The following VPS13B variants were observed in gnomAD, a reference collection of about 807,000 sequenced individuals.
VPS13B encodes the protein intermembrane lipid transfer protein VPS13B.
Under a neutral mutation model 426.4 loss-of-function variants are expected in VPS13B, and 285 were observed. That is an observed-to-expected ratio of 0.67 (90% CI 0.61 to 0.74). The LOEUF (loss-of-function observed/expected upper bound fraction) is 0.74, where lower values mean the gene tolerates loss of function less well. VPS13B is among the 30% of genes least tolerant of loss of function. The pLI is 0.00. For synonymous variants in VPS13B, 1,676 were observed against 1,676.4 expected, an observed-to-expected ratio of 1.00 and a Z score of 0.01; for missense variants, 4,537 against 4,782.6, an observed-to-expected ratio of 0.95 and a Z score of 1.51.
chr8:99,871,508 GAGGGGCTCA>G lies in VPS13B; in HGVS notation c.11557_11565del (p.Arg3853_Ser3855del). The G allele has an allele frequency of 6.2e-7, 1 of 1,614,244 alleles. No homozygotes were observed. Among genetic ancestry groups the G allele is most frequent in the Non-Finnish European group, 8.5e-7 (1 of 1,180,042 alleles). On this transcript the variant is annotated inframe_deletion, in exon 61 of 62. Transcript: ENST00000357162. ...ACATGGCCCTGGACGTGGTTCTGGT[GAGGGGCTCA>G]GGCCAGGAGCATGAAGGGTGCTTGC...
intron 19 of VPS13B, among the ~76,000 whole-genome samples, chr8:99,300,174 A>T (rs955502935): frequency 3.2e-4 from 48 of 152,298 alleles, no homozygotes; most frequent in African/African-American, 1.1e-3. Flanking sequence ...TGTGTACACC[A>T]GGGGTGAGCA....
At chr8:99,694,954 T>C (rs1356206602) in intron 35 of VPS13B, among the ~76,000 whole-genome samples, 3 of 151,440 alleles carry the variant, frequency 2.0e-5, no homozygotes, top group East Asian at 3.9e-4. Context: ...AAAATGCTCA[T>C]CATCACTGGC....
At chr8:99,439,200 T>A (rs887909710) in intron 22 of VPS13B, among the ~76,000 whole-genome samples, 6 of 152,196 alleles carry the variant, frequency 3.9e-5, no homozygotes, top group African/African-American at 1.4e-4. Context: ...CCATATCTGA[T>A]GAAAATAATT....
At chr8:99,083,026 G>T (rs1474166292) in intron 3 of VPS13B, among the ~76,000 whole-genome samples, 1 of 152,236 alleles carries the variant, frequency 6.6e-6, no homozygotes, top group African/African-American at 2.4e-5. Flanking sequence ...GATGGGAATG[G>T]CATTGAATCT....
chr8:99,491,129 A>T (rs1003684487), intron 25 of VPS13B, among the ~76,000 whole-genome samples: 1 of 152,200 alleles, frequency 6.6e-6, no homozygotes, highest in Non-Finnish European at 1.5e-5. Context: ...GTTTCAAAGA[A>T]CATCTTTATT....
intron 25 of VPS13B, among the ~76,000 whole-genome samples, chr8:99,496,511 C>T (rs1395736358): frequency 1.3e-5 from 2 of 152,052 alleles, no homozygotes; most frequent in Non-Finnish European, 2.9e-5. Context: ...CTTACCCAGG[C>T]GTGGTGGCAG....
chr8:99,037,007 G>C (rs1842774929), intron 2 of VPS13B, among the ~76,000 whole-genome samples: 1 of 152,036 alleles, frequency 6.6e-6, no homozygotes, highest in East Asian at 1.9e-4. Context: ...TTGTAAAATG[G>C]GGATAATGCT....
chr8:99,106,294 G>A (rs1404858714), intron 5 of VPS13B, among the ~76,000 whole-genome samples: 1 of 151,558 alleles, frequency 6.6e-6, no homozygotes, highest in African/African-American at 2.4e-5. Flanking sequence ...AATTAGCTGG[G>A]CACGGTGGCA....
At chr8:99,290,343 A>G (rs752300519) in intron 19 of VPS13B, among the ~76,000 whole-genome samples, 16 of 152,104 alleles carry the variant, frequency 1.1e-4, no homozygotes, top group Non-Finnish European at 2.1e-4. Context: ...TGATGAATTC[A>G]TGTCCTTTGT....
At chr8:99,429,437 T>C (rs976961408) in intron 21 of VPS13B, 1 of 152,186 alleles carries the variant, frequency 6.6e-6, no homozygotes, top group African/African-American at 2.4e-5. Flanking sequence ...TAATCTATTC[T>C]TATCTTGTCT....
chr8:99,394,445 T>A (rs1407073571), intron 21 of VPS13B, among the ~76,000 whole-genome samples: 1 of 152,132 alleles, frequency 6.6e-6, no homozygotes, highest in Non-Finnish European at 1.5e-5. Flanking sequence ...GCTTGATGGC[T>A]CGGAATGTGT....
chr8:99,409,108 C>T (rs1409079057), intron 21 of VPS13B, among the ~76,000 whole-genome samples: 1 of 152,170 alleles, frequency 6.6e-6, no homozygotes, highest in Non-Finnish European at 1.5e-5. Flanking sequence ...CATTTAGCCA[C>T]TCTGAGGATC....
At chr8:99,349,840 C>T (rs933609506) in intron 19 of VPS13B, among the ~76,000 whole-genome samples, 5 of 151,928 alleles carry the variant, frequency 3.3e-5, no homozygotes, top group East Asian at 1.9e-4. Flanking sequence ...TCAGTATATA[C>T]GTATTTTTTA....
intron 22 of VPS13B, among the ~76,000 whole-genome samples, chr8:99,435,433 C>T (rs2133421981): frequency 6.6e-6 from 1 of 152,162 alleles, no homozygotes; most frequent in African/African-American, 2.4e-5. Flanking sequence ...GATTATTTGA[C>T]AACTCTGGGA....
intron 34 of VPS13B, among the ~76,000 whole-genome samples, chr8:99,658,021 A>T (rs1830083987): frequency 6.6e-6 from 1 of 152,198 alleles, no homozygotes; most frequent in South Asian, 2.1e-4. Flanking sequence ...GTTTTAATTT[A>T]TATATCCCTG....
chr8:99,087,694 A>G (rs953011879), intron 3 of VPS13B, among the ~76,000 whole-genome samples: 1 of 148,208 alleles, frequency 6.7e-6, no homozygotes, highest in African/African-American at 2.5e-5. Context: ...GCAGTTCTCC[A>G]CCCTCAGCCT....
At chr8:99,791,712 A>T (rs1286331106) in intron 43 of VPS13B, among the ~76,000 whole-genome samples, 1 of 149,016 alleles carries the variant, frequency 6.7e-6, no homozygotes, top group Non-Finnish European at 1.5e-5. Context: ...CACATTCTGA[A>T]CAGAACTTAA....
chr8:99,234,538 C>T (rs1255946792), intron 17 of VPS13B: 1 of 470,456 alleles, frequency 2.1e-6, no homozygotes, highest in Non-Finnish European at 4.2e-6. Context: ...TCAGGGGCCG[C>T]AGGGCTGGGG....
At chr8:99,778,049 G>T (rs190802393) in intron 41 of VPS13B, among the ~76,000 whole-genome samples, 1 of 151,982 alleles carries the variant, frequency 6.6e-6, no homozygotes. Flanking sequence ...GGCTAACACG[G>T]TGAAACCCCA....
Sources: allele counts gnomAD v4.1 joint callset (sites outside exome capture counted in the v4.1 genomes callset), GRCh38; gene constraint gnomAD v4.1.1; transcripts MANE v1.5; gene names NCBI Gene and HGNC (gene_info 2026-07-23, HGNC 2026-07-21).